FOXP2: variants seen among roughly 807,000 people sequenced by gnomAD.
FOXP2 encodes forkhead box P2.
In FOXP2, 12 loss-of-function variants were observed where a neutral mutation model predicts 115.8. That is an observed-to-expected ratio of 0.10 (90% CI 0.07 to 0.17). The LOEUF (loss-of-function observed/expected upper bound fraction) is 0.17. Among genes scored for constraint, FOXP2 ranks in the 10% least tolerant of loss-of-function variants. The pLI, the probability that FOXP2 is intolerant of heterozygous loss-of-function variation, is 1.00. For missense variants in FOXP2, 629 were observed against 843.5 expected, an observed-to-expected ratio of 0.75 and a Z score of 3.15; for synonymous variants, 328 against 297.7, an observed-to-expected ratio of 1.10 and a Z score of -1.05.
chr7:114,650,599 TTC>T (rs1467278425), intron 8 of FOXP2, among the ~76,000 whole-genome samples: 1 of 152,026 alleles, frequency 6.6e-6, no homozygotes, highest in Non-Finnish European at 1.5e-5. Flanking sequence ...TGGTGACACT[TTC>T]TGTTAACTAA....
intron 2 of FOXP2, among the ~76,000 whole-genome samples, chr7:114,350,125 GT>G (rs1791446452): frequency 6.6e-6 from 1 of 152,008 alleles, no homozygotes; most frequent in Admixed American, 6.6e-5. Flanking sequence ...AAAAATGGAT[GT>G]TTTTATTTTT....
At position 114,404,776 on chromosome 7, in the gene FOXP2, TAG is replaced by T. The variant is rs557063358; in HGVS notation, c.-10-21723_-10-21722del. ...AGGCATAGGAGAACCTAATTTAACC[TAG>T]AGTGTCTCTTTTATTCTTCTGTTAT... On this transcript the variant is annotated intron_variant, in intron 2 of 17. Transcript: ENST00000634411. 4.1e-4 allele frequency among the ~76,000 whole-genome samples: 62 copies of T among 152,172 alleles called. No homozygotes were observed. The East Asian group carries it at 0.011, about 27-fold the overall frequency.
intron 1 of FOXP2, among the ~76,000 whole-genome samples, chr7:114,147,102 T>G (rs1792391492): frequency 6.6e-6 from 1 of 152,220 alleles, no homozygotes; most frequent in South Asian, 2.1e-4. Flanking sequence ...AGACTTGGTA[T>G]GTGAAGATTT....
intron 3 of FOXP2, among the ~76,000 whole-genome samples, chr7:114,612,006 G>A (rs1272589660): frequency 1.3e-5 from 2 of 152,072 alleles, no homozygotes; most frequent in African/African-American, 2.4e-5. Context: ...AAACTTTTAA[G>A]TATACTTTTT....
intron 2 of FOXP2, among the ~76,000 whole-genome samples, chr7:114,523,860 T>C (rs1313603350): frequency 6.6e-6 from 1 of 152,154 alleles, no homozygotes; most frequent in Non-Finnish European, 1.5e-5. Context: ...GCTTTATTAC[T>C]CTTATGAGGA....
intron 1 of FOXP2, among the ~76,000 whole-genome samples, chr7:114,153,424 G>A (rs1792576079): frequency 6.6e-6 from 1 of 152,092 alleles, no homozygotes; most frequent in South Asian, 2.1e-4. Flanking sequence ...TTGAACAATA[G>A]TGAAAAATGC....
At chr7:114,525,741 C>A (rs1798824962) in intron 2 of FOXP2, among the ~76,000 whole-genome samples, 1 of 152,268 alleles carries the variant, frequency 6.6e-6, no homozygotes, top group South Asian at 2.1e-4. Flanking sequence ...CCCCATAAGT[C>A]TATCACCTAC....
chr7:114,134,365 T>A (rs556555436), intron 1 of FOXP2, among the ~76,000 whole-genome samples: 1 of 152,154 alleles, frequency 6.6e-6, no homozygotes, highest in Non-Finnish European at 1.5e-5. Flanking sequence ...TTTTCATGGA[T>A]TTTTTGAATA....
intron 2 of FOXP2, among the ~76,000 whole-genome samples, chr7:114,362,808 C>T (rs1791785401): frequency 1.3e-5 from 2 of 151,954 alleles, no homozygotes; most frequent in Admixed American, 1.3e-4. Context: ...AGCATTTTGA[C>T]AAAATCTTTG....
intron 1 of FOXP2, among the ~76,000 whole-genome samples, chr7:114,221,806 C>G (rs1794629109): frequency 6.6e-6 from 1 of 152,164 alleles, no homozygotes; most frequent in Non-Finnish European, 1.5e-5. Context: ...GGCTCTAAGA[C>G]TTCTAGCCTT....
chr7:114,664,660 TAC>T (rs537209669), intron 16 of FOXP2: 53 of 552,804 alleles, frequency 9.6e-5, no homozygotes, highest in African/African-American at 8.2e-4. Context: ...AGCAGTCCTC[TAC>T]AGATTCTTAG....
At chr7:114,356,860 A>G (rs1241602359) in intron 2 of FOXP2, among the ~76,000 whole-genome samples, 1 of 152,206 alleles carries the variant, frequency 6.6e-6, no homozygotes. Context: ...AGAAACATAG[A>G]GAAATAGGGC....
At chr7:114,306,879 C>T (rs1797026801) in intron 2 of FOXP2, among the ~76,000 whole-genome samples, 1 of 152,128 alleles carries the variant, frequency 6.6e-6, no homozygotes, top group Non-Finnish European at 1.5e-5. Flanking sequence ...GCCTTTCTAA[C>T]ATCACATAAC....
intron 3 of FOXP2, among the ~76,000 whole-genome samples, chr7:114,628,050 A>T (rs1804691419): frequency 1.3e-5 from 2 of 152,202 alleles, no homozygotes; most frequent in South Asian, 4.1e-4. Flanking sequence ...TTTGAAGATG[A>T]TGATTATATT....
chr7:114,281,333 C>T (rs1796333410), intron 1 of FOXP2, among the ~76,000 whole-genome samples: 1 of 151,942 alleles, frequency 6.6e-6, no homozygotes. Context: ...AACTCCTGAC[C>T]TCAAGTGATC....
intron 10 of FOXP2, among the ~76,000 whole-genome samples, chr7:114,656,977 G>A (rs919459872): frequency 2.6e-5 from 4 of 152,140 alleles, no homozygotes; most frequent in Non-Finnish European, 4.4e-5. Flanking sequence ...TAGCCACTCA[G>A]CAGTTACTTT....
intron 1 of FOXP2, among the ~76,000 whole-genome samples, chr7:114,096,082 G>T (rs117884267): frequency 6.6e-6 from 1 of 152,050 alleles, no homozygotes; most frequent in Non-Finnish European, 1.5e-5. Context: ...TCCCCATCAC[G>T]TGACATATAC....
At chr7:114,402,442 C>A (rs1242891555) in intron 2 of FOXP2, among the ~76,000 whole-genome samples, 1 of 152,134 alleles carries the variant, frequency 6.6e-6, no homozygotes, top group African/African-American at 2.4e-5. Context: ...CTATCTCAAA[C>A]AGTTTACACA....
intron 16 of FOXP2, among the ~76,000 whole-genome samples, chr7:114,673,352 C>A (rs964097914): frequency 6.6e-6 from 1 of 152,140 alleles, no homozygotes; most frequent in African/African-American, 2.4e-5. Flanking sequence ...TTGTACTTAT[C>A]AATGATGAAA....
Sources: allele counts gnomAD v4.1 joint callset (sites outside exome capture counted in the v4.1 genomes callset), GRCh38; gene constraint gnomAD v4.1.1; transcripts MANE v1.5; gene names NCBI Gene and HGNC (gene_info 2026-07-23, HGNC 2026-07-21).